The following MTCL1 variants were observed in gnomAD, a reference collection of about 807,000 sequenced individuals.
MTCL1 encodes the protein microtubule cross-linking factor 1.
MTCL1 carries 79 observed loss-of-function variants against 141.4 expected under a neutral mutation model. That is an observed-to-expected ratio of 0.56 (90% CI 0.47 to 0.67). The LOEUF is 0.67. Among genes scored for constraint, MTCL1 ranks in the 30% least tolerant of loss-of-function variants. The probability of loss-of-function intolerance (pLI) is 0.00; values close to 1 mark genes in which losing one functional copy is unlikely to be tolerated. For missense variants in MTCL1, 2,177 were observed against 2,113.9 expected, an observed-to-expected ratio of 1.03 and a Z score of -0.59; for synonymous variants, 914 against 875.8, an observed-to-expected ratio of 1.04 and a Z score of -0.77.
intron 4 of MTCL1, among the ~76,000 whole-genome samples, chr18:8,733,093 G>A (rs117607836): frequency 6.6e-6 from 1 of 152,302 alleles, no homozygotes; most frequent in East Asian, 1.9e-4. Flanking sequence ...CGCATCACAC[G>A]TGGCTCATCT....
At chr18:8,748,403 C>T (rs2096352363) in intron 4 of MTCL1, among the ~76,000 whole-genome samples, 1 of 152,078 alleles carries the variant, frequency 6.6e-6, no homozygotes, top group Non-Finnish European at 1.5e-5. Flanking sequence ...ATTAGCCAGG[C>T]ATGGTGGCAT....
rs1029872739 is a variant in MTCL1, at chr18:8,822,828, G to A, written c.3188+1330G>A. ...CAGCAGCAGCCACATCAGTGTTTCC[G>A]GTTAGGCTTTGGAGCAACTGTACTT... On this transcript the variant is annotated intron_variant, in intron 14 of 16. Transcript: ENST00000359865. The surrounding 1 kb of genome is among the most constrained non-coding windows in gnomAD (Gnocchi z 4.6). Among the ~76,000 whole-genome samples, 7 of 152,046 alleles carry A rather than the reference G, an allele frequency of 4.6e-5. No individual in the cohort carries two copies. The highest frequency in any genetic ancestry group is 1.9e-4 in the East Asian group (1 of 5,198).
chr18:8,802,840 G>A (rs1276605205), intron 10 of MTCL1, among the ~76,000 whole-genome samples: 1 of 152,180 alleles, frequency 6.6e-6, no homozygotes, highest in Admixed American at 6.5e-5. Context: ...AGTTGAAACT[G>A]ACCTACACTC....
At position 8,785,901 on chromosome 18, in the gene MTCL1, A is replaced by G. The variant is rs749880038; in HGVS notation, c.1732-35A>G. The G allele has an allele frequency of 3.9e-6, 6 of 1,535,162 alleles. No homozygotes were observed. The South Asian group carries it at 5.1e-5, about 13-fold the overall frequency. On this transcript the variant is annotated intron_variant, in intron 6 of 16. Transcript: ENST00000359865. Reference sequence around the variant, plus strand: ...GTTTTTTTGTTTAAAATTTTAAAGAACAACAACAACAAATTCCTCCCGTGC... The same window carrying G: ...GTTTTTTTGTTTAAAATTTTAAAGAGCAACAACAACAAATTCCTCCCGTGC...
rs1158741379 is a variant in MTCL1, at chr18:8,726,494, AGC to A, written c.357+6011_357+6012del. Among the ~76,000 whole-genome samples, 12 of 128,382 alleles carry A rather than the reference AGC, an allele frequency of 9.3e-5. No homozygotes were observed. In the South Asian group the frequency reaches 1.3e-3, roughly 14 times the overall value. The allele number at this position is 128,382 out of a possible 152,430, so 84.2% of individuals were successfully genotyped here. On this transcript the variant is annotated intron_variant, in intron 4 of 16. Coordinates refer to ENST00000359865, the Ensembl canonical transcript of MTCL1. ...AGAGGAGAGAGAGAGAGAGAGAGAGAGCGCGCGCGCGCGCAAGAGCGAGCGAG... is the reference window on the plus strand; with the variant it reads ...AGAGGAGAGAGAGAGAGAGAGAGAGAGCGCGCGCGCGCAAGAGCGAGCGAG...
At chr18:8,768,730 A>T (rs2096470794) in intron 4 of MTCL1, among the ~76,000 whole-genome samples, 1 of 151,240 alleles carries the variant, frequency 6.6e-6, no homozygotes, top group Non-Finnish European at 1.5e-5. Flanking sequence ...CTCTTGATGG[A>T]CTGGTAGATT....
chr18:8,818,216 A>C (rs2076724133), intron 12 of MTCL1, among the ~76,000 whole-genome samples: 1 of 152,238 alleles, frequency 6.6e-6, no homozygotes, highest in Admixed American at 6.5e-5. Context: ...ACCTGCCTGC[A>C]AACCAGCAAG....
At position 8,720,305 on chromosome 18, in the gene MTCL1, T is replaced by C. The variant is rs908564008; in HGVS notation, c.199-33T>C. The C allele has an allele frequency of 3.1e-6, 5 of 1,611,884 alleles. No homozygotes were observed. The African/African-American group carries it at 6.7e-5, about 22-fold the overall frequency. ...TACCCTTAGCACACAAAAAGCCTCA[T>C]ATCCTGATAATGATCTCTGTGGGTC... On this transcript the variant is annotated intron_variant, in intron 3 of 16. Transcript: ENST00000359865.
chr18:8,756,445 GTA>G (rs1285009964), intron 4 of MTCL1, among the ~76,000 whole-genome samples: 3 of 146,342 alleles, frequency 2.0e-5, no homozygotes, highest in Admixed American at 6.8e-5. Flanking sequence ...GTATATATGT[GTA>G]TATATGTGTA....
chr18:8,804,664 C>A (rs1225301346), intron 10 of MTCL1, among the ~76,000 whole-genome samples: 1 of 152,102 alleles, frequency 6.6e-6, no homozygotes, highest in Non-Finnish European at 1.5e-5. Flanking sequence ...AGAAAAAGAG[C>A]AATAAATATG....
intron 4 of MTCL1, among the ~76,000 whole-genome samples, chr18:8,733,956 C>T (rs1222384652): frequency 1.3e-5 from 2 of 151,906 alleles, no homozygotes; most frequent in African/African-American, 4.8e-5. Flanking sequence ...GAGCCATAAA[C>T]ATTATTTTGA....
chr18:8,831,241 A>G lies in MTCL1; in HGVS notation c.*19-366A>G, dbSNP rs532138649. On this transcript the variant is annotated intron_variant, in intron 16 of 16. Transcript: ENST00000359865. ...TAAATAGATCATACAAAAGGGCCAA[A>G]TGAACAGATCTACCAGATAGGAATA... is the stretch of plus-strand genomic sequence containing the variant. 2.9e-6 allele frequency: 3 copies of G among 1,049,718 alleles called. No individual in the cohort carries two copies. The East Asian group carries it at 2.4e-4, about 85-fold the overall frequency. The allele number at this position is 1,049,718 out of a possible 1,614,324, so 65.0% of individuals were successfully genotyped here.
Position 8,768,959 on chromosome 18 carries a change from C to A in MTCL1, c.358-8874C>A, listed in dbSNP as rs147462258. ...GGTGTGCATCAGCACGTGGGCCCAG[C>A]TAATTTTTGTATTTTAGTAGAGATG... On this transcript the variant is annotated intron_variant, in intron 4 of 16. Coordinates refer to ENST00000359865, the Ensembl canonical transcript of MTCL1. 4.5e-3 allele frequency among the ~76,000 whole-genome samples: 685 copies of A among 152,100 alleles called. 8 individuals are homozygous for A. The highest frequency in any genetic ancestry group is 0.04 in the East Asian group (206 of 5,172).
upstream of MTCL1, among the ~76,000 whole-genome samples, chr18:8,714,883 A>G (rs1040573120): frequency 1.7e-4 from 25 of 150,466 alleles, no homozygotes; most frequent in South Asian, 4.2e-4. Flanking sequence ...TGCAAGCTCC[A>G]CCTCCCGGGT....
intron 4 of MTCL1, among the ~76,000 whole-genome samples, chr18:8,764,671 G>A (rs891638546): frequency 3.3e-5 from 5 of 151,944 alleles, no homozygotes; most frequent in Non-Finnish European, 5.9e-5. Context: ...AGGCTGGCTC[G>A]ATATGCCTGG....
upstream of MTCL1, among the ~76,000 whole-genome samples, chr18:8,715,076 G>A (rs535237680): frequency 2.4e-4 from 36 of 152,308 alleles, no homozygotes; most frequent in South Asian, 4.1e-4. Flanking sequence ...GATTACAGGC[G>A]TGAGCCACCG....
exon 14 of MTCL1, chr18:8,821,481 C>G (rs772029712): frequency 2.8e-6 from 4 of 1,429,346 alleles, no homozygotes; most frequent in Non-Finnish European, 2.9e-6. Flanking sequence ...AAGAAAATCA[C>G]AAAGGAAATC....
At chr18:8,813,659 C>T (rs2076561486) in intron 12 of MTCL1, among the ~76,000 whole-genome samples, 1 of 152,166 alleles carries the variant, frequency 6.6e-6, no homozygotes, top group Non-Finnish European at 1.5e-5. Context: ...GAATTGTTGT[C>T]ATTAGAAAAG....
At chr18:8,713,338 TTTTTCTTATTTCCGTGTATAAAA>T (rs1305956674), upstream of MTCL1, among the ~76,000 whole-genome samples, 1 of 152,252 alleles carries the variant, frequency 6.6e-6, no homozygotes, top group African/African-American at 2.4e-5. Context: ...TAAGGACAGC[TTTTTCTTATTTCCGTGTATAAAA>T]AGACAACAGC....
Sources: gnomAD v4.1 joint callset for allele counts (sites outside exome capture counted in the v4.1 genomes callset) on GRCh38, gnomAD v4.1.1 for gene constraint, Gnocchi (gnomAD v3.1) non-coding constraint, MANE v1.5 for transcripts, NCBI Gene and HGNC (gene_info 2026-07-23, HGNC 2026-07-21) for gene names.